Variants in PALLD observed in about 807,000 individuals in gnomAD.
PALLD encodes palladin, cytoskeletal associated protein.
In PALLD, 61 loss-of-function variants were observed where a neutral mutation model predicts 123.5. That is an observed-to-expected ratio of 0.49 (90% CI 0.40 to 0.61). The LOEUF (loss-of-function observed/expected upper bound fraction) is 0.61. PALLD is among the 20% of genes least tolerant of loss of function. The probability of loss-of-function intolerance (pLI) is 0.00; values close to 1 mark genes in which losing one functional copy is unlikely to be tolerated. For missense variants in PALLD, 1,273 were observed against 1,377.0 expected, an observed-to-expected ratio of 0.92 and a Z score of 1.20; for synonymous variants, 465 against 496.4, an observed-to-expected ratio of 0.94 and a Z score of 0.84.
Position 168,803,922 on chromosome 4 carries a change from G to A in PALLD, c.1965-87000G>A, listed in dbSNP as rs1739749629. Among the ~76,000 whole-genome samples the A allele has an allele frequency of 2.0e-5, 3 of 152,166 alleles. 1 individual carries two copies. The South Asian group carries it at 6.2e-4, about 32-fold the overall frequency. On this transcript the variant is annotated intron_variant, in intron 10 of 21. Transcript: ENST00000505667. ...CTGGACGGAGGGTTGCTTGTTTGGAGTTGTTTTTCCTGTGGCTAAAGGATT... is the reference window on the plus strand; with the variant it reads ...CTGGACGGAGGGTTGCTTGTTTGGAATTGTTTTTCCTGTGGCTAAAGGATT...
intron 7 of PALLD, 107 bp from the exon 8 acceptor site, chr4:168,691,162 A>G (rs2150124242): frequency 1.3e-6 from 1 of 777,984 alleles, no homozygotes; most frequent in Non-Finnish European, 2.3e-6. Flanking sequence ...ATTTCTTCAG[A>G]CATGTCCTAG....
chr4:168,878,308 C>G lies in PALLD; in HGVS notation c.1965-12614C>G, dbSNP rs1313210220. ...CCCGCTTCGGCCACAGCCAGACGCCCGCGGCCTTCCTCAGCGCTCTGCTGC... is the reference window on the plus strand; with the variant it reads ...CCCGCTTCGGCCACAGCCAGACGCCGGCGGCCTTCCTCAGCGCTCTGCTGC... On this transcript the variant is annotated intron_variant, in intron 10 of 21. Coordinates refer to ENST00000505667, the MANE Select transcript of PALLD (RefSeq NM_001166108.2). The G allele has an allele frequency of 6.5e-7, 1 of 1,526,996 alleles. No homozygotes were observed. The highest frequency in any genetic ancestry group is 8.7e-7 in the Non-Finnish European group (1 of 1,143,808). 94.6% of individuals were successfully genotyped at this position (1,526,996 alleles called of 1,614,324 possible).
At chr4:168,877,871 C>T in intron 10 of PALLD, 1 of 1,428,128 alleles carries the variant, frequency 7.0e-7, no homozygotes, top group South Asian at 1.4e-5. Flanking sequence ...GGCCTGCACG[C>T]CGCCCGCGTC....
intron 2 of PALLD, among the ~76,000 whole-genome samples, chr4:168,553,850 T>C (rs1766995212): frequency 6.6e-6 from 1 of 152,188 alleles, no homozygotes; most frequent in East Asian, 1.9e-4. Context: ...TCCCTCCTAC[T>C]ACCATTCAAT....
intron 10 of PALLD, among the ~76,000 whole-genome samples, chr4:168,775,501 A>T (rs565026647): frequency 1.3e-5 from 2 of 152,234 alleles, no homozygotes; most frequent in South Asian, 4.1e-4. Context: ...TGGATTTTTT[A>T]AAAATTTCCT....
intron 2 of PALLD, among the ~76,000 whole-genome samples, chr4:168,646,233 G>A (rs1355018693): frequency 6.6e-6 from 1 of 152,154 alleles, no homozygotes; most frequent in South Asian, 2.1e-4. Context: ...CCCATATCTC[G>A]TGCCCAAATA....
At chr4:168,848,999 C>G (rs975238546) in intron 10 of PALLD, among the ~76,000 whole-genome samples, 2 of 152,170 alleles carry the variant, frequency 1.3e-5, no homozygotes, top group Non-Finnish European at 2.9e-5. Flanking sequence ...GCTCTTCCTG[C>G]AGGCTGTGAG....
At chr4:168,851,020 A>G (rs113974526) in intron 10 of PALLD, among the ~76,000 whole-genome samples, 1,938 of 152,312 alleles carry the variant, frequency 0.013, 42 homozygotes, top group African/African-American at 0.042. Context: ...CTGAGAGGCC[A>G]GAGGAGGTCA....
chr4:168,762,032 C>T (rs1733016029), intron 10 of PALLD, among the ~76,000 whole-genome samples: 1 of 152,154 alleles, frequency 6.6e-6, no homozygotes, highest in South Asian at 2.1e-4. Flanking sequence ...TTTAGGGATC[C>T]ATTAAAAATT....
In PALLD at chr4:168,832,148, C is replaced by G. The variant is rs886193006; in HGVS notation, c.1965-58774C>G. 4 of 985,396 alleles carry G rather than the reference C, an allele frequency of 4.1e-6. No individual in the cohort carries two copies. The Admixed American group carries it at 2.5e-4, about 61-fold the overall frequency. 61.0% of individuals were successfully genotyped at this position (985,396 alleles called of 1,614,324 possible). A position where few individuals can be genotyped will look rare whatever the true frequency, so the allele number is the denominator to read the frequency against. On this transcript the variant is annotated intron_variant, in intron 10 of 21. Transcript: ENST00000505667. The stretch of plus-strand genomic sequence containing the variant: ...CTCCGGACGCGGAATCGGGCAGCAG[C>G]GGGAGGCGGCCCGGAGAGCCGAGGT...
At chr4:168,585,175 CAAT>C (rs1580432467) in intron 2 of PALLD, among the ~76,000 whole-genome samples, 1 of 152,202 alleles carries the variant, frequency 6.6e-6, no homozygotes, top group East Asian at 1.9e-4. Flanking sequence ...ACAACAAAAA[CAAT>C]AGTTTCAAAA....
intron 10 of PALLD, among the ~76,000 whole-genome samples, chr4:168,889,682 A>G (rs1753887199): frequency 1.3e-5 from 2 of 152,152 alleles, no homozygotes. Context: ...TCTTCTCTTC[A>G]TGGTTTTACC....
chr4:168,721,525 A>T (rs934284176), intron 10 of PALLD, among the ~76,000 whole-genome samples: 21 of 152,232 alleles, frequency 1.4e-4, no homozygotes, highest in African/African-American at 4.8e-4. Flanking sequence ...CCAAAGTGTA[A>T]CCAGTGGTTC....
At chr4:168,816,064 G>C (rs978485312) in intron 10 of PALLD, among the ~76,000 whole-genome samples, 3 of 152,144 alleles carry the variant, frequency 2.0e-5, no homozygotes, top group African/African-American at 7.2e-5. Flanking sequence ...ACCACCATCC[G>C]CTTTGTTCCG....
At chr4:168,502,196 A>G (rs1761481923) in intron 1 of PALLD, among the ~76,000 whole-genome samples, 1 of 152,226 alleles carries the variant, frequency 6.6e-6, no homozygotes. Flanking sequence ...TTTAGCTAAA[A>G]ACATCTGAAT....
At chr4:168,840,016 G>T (rs905047397) in intron 10 of PALLD, among the ~76,000 whole-genome samples, 2 of 152,126 alleles carry the variant, frequency 1.3e-5, no homozygotes, top group Non-Finnish European at 2.9e-5. Flanking sequence ...CAAAACTGGA[G>T]TTAGAAAAAC....
intron 10 of PALLD, among the ~76,000 whole-genome samples, chr4:168,825,950 C>T (rs891151097): frequency 2.9e-4 from 44 of 152,268 alleles, no homozygotes; most frequent in African/African-American, 8.7e-4. Context: ...CTGTAATCCT[C>T]GCCTAAATAG....
chr4:168,631,750 CGCGGCT>C, intron 2 of PALLD: 4 of 985,450 alleles, frequency 4.1e-6, no homozygotes, highest in Non-Finnish European at 4.8e-6. Flanking sequence ...CTTTTGGCAG[CGCGGCT>C]GCCAGTTAAT....
At chr4:168,785,715 A>T (rs1172141157) in intron 10 of PALLD, among the ~76,000 whole-genome samples, 1 of 151,200 alleles carries the variant, frequency 6.6e-6, no homozygotes, top group Non-Finnish European at 1.5e-5. Context: ...TTGAGAGGAG[A>T]CCCAGTTAAC....
Sources: allele counts gnomAD v4.1 joint callset (sites outside exome capture counted in the v4.1 genomes callset), GRCh38; gene constraint gnomAD v4.1.1; transcripts MANE v1.5; gene names NCBI Gene and HGNC (gene_info 2026-07-23, HGNC 2026-07-21).